SLC9A9: variants seen among roughly 807,000 people sequenced by gnomAD.
The protein encoded by SLC9A9 is solute carrier family 9 member A9.
A neutral mutation model predicts 77.8 loss-of-function variants in SLC9A9; 62 were observed. The ratio of observed to expected loss-of-function variants is 0.80; its 90% CI spans 0.65 to 0.98. The LOEUF is 0.98. Ranked by LOEUF, SLC9A9 falls within the 50% of genes least tolerant of loss-of-function variation. The pLI is 0.00. For synonymous variants in SLC9A9, 320 were observed against 283.5 expected, an observed-to-expected ratio of 1.13 and a Z score of -1.29; for missense variants, 775 against 774.9, an observed-to-expected ratio of 1.00 and a Z score of 0.00.
intron 14 of SLC9A9, among the ~76,000 whole-genome samples, chr3:143,279,913 G>C (rs1240020427): frequency 6.6e-6 from 1 of 152,116 alleles, no homozygotes; most frequent in Non-Finnish European, 1.5e-5. Context: ...TCGACCTCCT[G>C]AGCTCAAGCA....
chr3:143,627,297 C>T (rs575576531), intron 6 of SLC9A9: 10 of 191,392 alleles, frequency 5.2e-5, no homozygotes, highest in African/African-American at 2.3e-4. Context: ...TAACATTATA[C>T]ATGGTGCACT....
chr3:143,735,404 TA>T (rs1934915692), intron 4 of SLC9A9, among the ~76,000 whole-genome samples: 1 of 152,198 alleles, frequency 6.6e-6, no homozygotes, highest in Non-Finnish European at 1.5e-5. Context: ...GTACTATTAG[TA>T]AAATTAGATT....
At chr3:143,284,609 A>C (rs1203390370) in intron 14 of SLC9A9, among the ~76,000 whole-genome samples, 1 of 152,120 alleles carries the variant, frequency 6.6e-6, no homozygotes, top group Admixed American at 6.5e-5. Flanking sequence ...TTTCTAAAAT[A>C]TAATTTCTTT....
chr3:143,311,419 A>C (rs985333042), intron 14 of SLC9A9, among the ~76,000 whole-genome samples: 2 of 152,240 alleles, frequency 1.3e-5, no homozygotes, highest in Admixed American at 1.3e-4. Flanking sequence ...GCCTGAACCC[A>C]GCATTCTTAT....
At chr3:143,740,023 CAG>C in intron 4 of SLC9A9, among the ~76,000 whole-genome samples, 1 of 152,230 alleles carries the variant, frequency 6.6e-6, no homozygotes, top group Non-Finnish European at 1.5e-5. Context: ...TATGGTGAGT[CAG>C]AGCAAGAGCA....
At chr3:143,588,477 C>T (rs1407910766) in intron 6 of SLC9A9, among the ~76,000 whole-genome samples, 1 of 152,164 alleles carries the variant, frequency 6.6e-6, no homozygotes, top group African/African-American at 2.4e-5. Context: ...TTGACAGATT[C>T]CTAAGTGGCT....
intron 2 of SLC9A9, among the ~76,000 whole-genome samples, chr3:143,812,248 C>T (rs557388081): frequency 2.6e-5 from 4 of 152,204 alleles, no homozygotes; most frequent in South Asian, 4.2e-4. Context: ...AACACCTCAC[C>T]GGAGAATTTA....
At chr3:143,429,431 AAG>A (rs1001808268) in intron 12 of SLC9A9, among the ~76,000 whole-genome samples, 3 of 152,182 alleles carry the variant, frequency 2.0e-5, no homozygotes, top group African/African-American at 7.2e-5. Flanking sequence ...TGACAATAGG[AAG>A]AGAAAAGGAG....
At chr3:143,410,468 A>G (rs2034076100) in intron 12 of SLC9A9, among the ~76,000 whole-genome samples, 1 of 152,074 alleles carries the variant, frequency 6.6e-6, no homozygotes, top group Non-Finnish European at 1.5e-5. Context: ...CCCAAGCCCA[A>G]ATTCTTACTC....
rs370406427 is a variant in SLC9A9 at position 143,511,142 on chromosome 3, A to G, written c.1090-15694T>C. ...CAAGTTGTTTGGCCCCAGACACCAC[A>G]ATGGATGCCTTGGGCTGGTGCAGTG... On this transcript the variant is annotated intron_variant, in intron 9 of 15. Transcript: ENST00000316549. 9.8e-5 allele frequency among the ~76,000 whole-genome samples: 15 copies of G among 152,306 alleles called. No homozygotes were observed. In the East Asian group the frequency reaches 1.9e-3, roughly 20 times the overall value.
intron 14 of SLC9A9, chr3:143,342,128 T>C (rs575045925): frequency 2.0e-5 from 3 of 152,364 alleles, no homozygotes; most frequent in East Asian, 1.9e-4. Flanking sequence ...CTGACCATCA[T>C]TGAAGCTGCT....
At chr3:143,401,852 CA>C (rs1378068286) in intron 12 of SLC9A9, among the ~76,000 whole-genome samples, 1 of 152,094 alleles carries the variant, frequency 6.6e-6, no homozygotes, top group Non-Finnish European at 1.5e-5. Flanking sequence ...TGCCTTAAAT[CA>C]AAATATGCTT....
intron 6 of SLC9A9, among the ~76,000 whole-genome samples, chr3:143,651,797 CT>C (rs1235057717): frequency 6.6e-6 from 1 of 152,158 alleles, no homozygotes; most frequent in African/African-American, 2.4e-5. Context: ...GTATGCATTC[CT>C]ATACAGCATT....
At chr3:143,683,728 C>T (rs1008026713) in intron 5 of SLC9A9, among the ~76,000 whole-genome samples, 1 of 152,026 alleles carries the variant, frequency 6.6e-6, no homozygotes, top group Non-Finnish European at 1.5e-5. Flanking sequence ...TATGACCTCT[C>T]ATCTATAAGA....
chr3:143,823,136 G>A (rs766387263), intron 2 of SLC9A9, among the ~76,000 whole-genome samples: 3 of 152,180 alleles, frequency 2.0e-5, no homozygotes, highest in Non-Finnish European at 2.9e-5. Flanking sequence ...GATCCACAGA[G>A]AATTCACCAT....
chr3:143,668,510 A>G (rs1338165722), intron 5 of SLC9A9, among the ~76,000 whole-genome samples: 1 of 152,190 alleles, frequency 6.6e-6, no homozygotes, highest in East Asian at 1.9e-4. Flanking sequence ...AAAAGAAAGT[A>G]GCATTTTAAA....
intron 11 of SLC9A9, among the ~76,000 whole-genome samples, chr3:143,478,413 C>T (rs1003371946): frequency 4.6e-5 from 7 of 152,122 alleles, no homozygotes; most frequent in Non-Finnish European, 8.8e-5. Context: ...ACATGGAACC[C>T]CCAGTTCTCG....
At chr3:143,560,729 CA>C (rs11431519) in intron 8 of SLC9A9, among the ~76,000 whole-genome samples, 13 of 148,614 alleles carry the variant, frequency 8.7e-5, no homozygotes, top group Admixed American at 3.4e-4. Flanking sequence ...CTTTTTCCTT[CA>C]AAAAAAAAAG....
chr3:143,427,116 A>T (rs1026380477), intron 12 of SLC9A9, among the ~76,000 whole-genome samples: 4 of 152,264 alleles, frequency 2.6e-5, no homozygotes, highest in Non-Finnish European at 4.4e-5. Flanking sequence ...GTATGCTATC[A>T]GCACTGATGG....
Sources: gnomAD v4.1 joint callset for allele counts (sites outside exome capture counted in the v4.1 genomes callset) on GRCh38, gnomAD v4.1.1 for gene constraint, MANE v1.5 for transcripts, NCBI Gene and HGNC (gene_info 2026-07-23, HGNC 2026-07-21) for gene names.